The following PCNX2 variants were observed in gnomAD, a reference collection of about 807,000 sequenced individuals.
The protein encoded by PCNX2 is pecanex-like protein 2.
Under a neutral mutation model 223.8 loss-of-function variants are expected in PCNX2, and 168 were observed. The ratio of observed to expected loss-of-function variants is 0.75; its 90% CI spans 0.66 to 0.85. The LOEUF is 0.85. Ranked by LOEUF, PCNX2 falls within the 40% of genes least tolerant of loss-of-function variation. The pLI is 0.00. For synonymous variants in PCNX2, 1,006 were observed against 1,052.6 expected, an observed-to-expected ratio of 0.96 and a Z score of 0.86; for missense variants, 2,507 against 2,675.5, an observed-to-expected ratio of 0.94 and a Z score of 1.39.
intron 23 of PCNX2, among the ~76,000 whole-genome samples, chr1:233,069,009 T>G (rs143200863): frequency 4.6e-5 from 7 of 151,600 alleles, no homozygotes; most frequent in African/African-American, 1.7e-4. Flanking sequence ...CAACTGAAAA[T>G]AAAAAATGAA....
intron 25 of PCNX2, 65 bp downstream of exon 25, chr1:233,054,203 G>A: frequency 2.1e-6 from 3 of 1,452,590 alleles, no homozygotes; most frequent in Non-Finnish European, 2.8e-6. Context: ...TCTTCCTAAA[G>A]TTTTGCTTGA....
chr1:233,029,240 A>G (rs1298397867), intron 25 of PCNX2, among the ~76,000 whole-genome samples: 1 of 152,180 alleles, frequency 6.6e-6, no homozygotes, highest in Non-Finnish European at 1.5e-5. Context: ...TCTAAGGGTT[A>G]TAATCTGTGT....
chr1:233,049,279 A>G (rs981162812), intron 25 of PCNX2, among the ~76,000 whole-genome samples: 1 of 152,192 alleles, frequency 6.6e-6, no homozygotes, highest in African/African-American at 2.4e-5. Context: ...CATCAGAGTT[A>G]ATTCACTATG....
chr1:233,181,232 CTCTA>C (rs1434821025), intron 15 of PCNX2: 3 of 146,650 alleles, frequency 2.0e-5, no homozygotes, highest in African/African-American at 5.1e-5. Context: ...TGGAGTCACT[CTCTA>C]TCACCCAGGC....
chr1:233,146,169 AT>A (rs761804372), intron 19 of PCNX2, among the ~76,000 whole-genome samples: 2 of 152,206 alleles, frequency 1.3e-5, no homozygotes, highest in Admixed American at 6.5e-5. Context: ...GAATTCTATA[AT>A]TTAAGGAAGT....
At position 233,252,234 on chromosome 1, in the gene PCNX2, C is replaced by T. The variant is rs1372172356; in HGVS notation, c.2128+120G>A. The T allele has an allele frequency of 8.2e-6, 10 of 1,221,712 alleles. No homozygotes were observed. In the South Asian group the frequency reaches 1.8e-4, roughly 22 times the overall value. The allele number at this position is 1,221,712 out of a possible 1,614,324, so 75.7% of individuals were successfully genotyped here. ...CATTCAAAGAACAGTATGTGGGCAA[C>T]CACAGGGTTAAGTCTTCCAGTTCTC... On this transcript the variant is annotated intron_variant, in intron 7 of 33. Coordinates refer to ENST00000258229, the MANE Select transcript of PCNX2 (RefSeq NM_014801.4).
chr1:233,248,790 C>T (rs895725831), intron 8 of PCNX2, among the ~76,000 whole-genome samples: 1 of 152,148 alleles, frequency 6.6e-6, no homozygotes, highest in East Asian at 1.9e-4. Context: ...AGCCACACGC[C>T]TCACAAGAAA....
chr1:233,051,982 C>T (rs561473195), intron 25 of PCNX2, among the ~76,000 whole-genome samples: 2 of 152,106 alleles, frequency 1.3e-5, no homozygotes, highest in Non-Finnish European at 2.9e-5. Flanking sequence ...CACTTATTTC[C>T]ACCATCTCTC....
At chr1:232,996,566 C>G (rs907664662) in intron 32 of PCNX2, among the ~76,000 whole-genome samples, 2 of 152,070 alleles carry the variant, frequency 1.3e-5, no homozygotes, top group Non-Finnish European at 2.9e-5. Flanking sequence ...GCAGCGGATA[C>G]CACCTATTTT....
the PCNX2 span, among the ~76,000 whole-genome samples, chr1:233,301,339 A>G: frequency 0.02 from 2,995 of 152,322 alleles, 116 homozygotes; most frequent in African/African-American, 0.068. Flanking sequence ...ATTGGAAAGT[A>G]AAAGAGAATG....
chr1:233,034,245 C>A (rs1031755458), intron 25 of PCNX2, among the ~76,000 whole-genome samples: 4 of 151,876 alleles, frequency 2.6e-5, no homozygotes, highest in African/African-American at 9.7e-5. Context: ...GAAGTTGGGG[C>A]CTTTGGGAGG....
chr1:232,991,326 TGAGG>T lies in PCNX2; in HGVS notation c.5792-4790_5792-4787del, dbSNP rs1270344688. Among the ~76,000 whole-genome samples, 3 of 151,792 alleles carry T rather than the reference TGAGG, an allele frequency of 2.0e-5. No individual in the cohort carries two copies. The highest frequency in any genetic ancestry group is 4.4e-5 in the Non-Finnish European group (3 of 67,936). On this transcript the variant is annotated intron_variant, in intron 32 of 33. Coordinates refer to ENST00000258229, the MANE Select transcript of PCNX2 (RefSeq NM_014801.4). This position sits in a 1 kb window ranked among gnomAD's most constrained non-coding sequence, Gnocchi z 4.3. Reference sequence around the variant, plus strand: ...TGGAAAGGAGAATGCTTGACACTGTTGAGGGACAGCAAGAGACCGTGTGCTGGGG... The same window carrying T: ...TGGAAAGGAGAATGCTTGACACTGTTGACAGCAAGAGACCGTGTGCTGGGG...
Position 233,233,347 on chromosome 1 carries a change from C to T in PCNX2, c.2358+3498G>A, listed in dbSNP as rs186295056. 5.5e-4 allele frequency among the ~76,000 whole-genome samples: 83 copies of T among 152,078 alleles called. 2 individuals carry two copies. In the East Asian group the frequency reaches 0.014, roughly 25 times the overall value. ...AGGTTTTCACCAATTCCAACCATGC[C>T]CCAAGCTCTGCCCTTCCCTTTGTGC... On this transcript the variant is annotated intron_variant, in intron 9 of 33. Coordinates refer to ENST00000258229, the MANE Select transcript of PCNX2 (RefSeq NM_014801.4).
chr1:233,191,710 A>T (rs749806511), intron 15 of PCNX2, among the ~76,000 whole-genome samples: 1 of 152,216 alleles, frequency 6.6e-6, no homozygotes, highest in African/African-American at 2.4e-5. Context: ...AGTAAACAGG[A>T]AAAGACCTCT....
chr1:233,226,269 T>C (rs1167017093), intron 10 of PCNX2, among the ~76,000 whole-genome samples: 1 of 152,042 alleles, frequency 6.6e-6, no homozygotes, highest in Non-Finnish European at 1.5e-5. Context: ...TCATGTTTTC[T>C]TTTTTCTGGG....
intron 12 of PCNX2, chr1:233,211,852 T>C (rs1045698244): frequency 1.4e-5 from 14 of 980,830 alleles, no homozygotes; most frequent in Non-Finnish European, 1.7e-5. Context: ...AAAGCATCCA[T>C]GATAGTCTTA....
chr1:233,124,699 G>A (rs558347408), intron 21 of PCNX2, among the ~76,000 whole-genome samples: 5 of 152,178 alleles, frequency 3.3e-5, no homozygotes, highest in Non-Finnish European at 4.4e-5. Flanking sequence ...AAGTGTCAAC[G>A]CTTGCATTTT....
intron 1 of PCNX2, among the ~76,000 whole-genome samples, chr1:233,279,529 C>T (rs1661082265): frequency 6.6e-6 from 1 of 151,842 alleles, no homozygotes; most frequent in Admixed American, 6.6e-5. Context: ...AAGCAATCTG[C>T]CTGCCTCAGC....
Position 233,139,785 on chromosome 1 carries a change from G to A in PCNX2, c.3588C>T (p.Tyr1196=). 6.2e-7 allele frequency: 1 copy of A among 1,612,994 alleles called. No homozygotes were observed. Among genetic ancestry groups the A allele is most frequent in the Non-Finnish European group, 8.5e-7 (1 of 1,179,554 alleles). The change falls in exon 20 of 34, where the codon TAC becomes TAT. Residue 1196 remains tyrosine (Y), a synonymous_variant. Coordinates refer to ENST00000258229, the MANE Select transcript of PCNX2 (RefSeq NM_014801.4). This position sits in a 1 kb window ranked among gnomAD's most constrained non-coding sequence, Gnocchi z 4.4. ...TGAGGGCATTCAAAATTAGCGCTGG[G>A]TACAAGATGTATTTTTCAAAACACT... ...WLQCFEKYIL[Y]PALILNALTI... is the part of the protein sequence containing the mutation.
Sources: gnomAD v4.1 joint callset for allele counts (sites outside exome capture counted in the v4.1 genomes callset) on GRCh38, gnomAD v4.1.1 for gene constraint, Gnocchi (gnomAD v3.1) non-coding constraint, MANE v1.5 for transcripts, NCBI Gene and HGNC (gene_info 2026-07-23, HGNC 2026-07-21) for gene names.